BBS9: variants seen among roughly 807,000 people sequenced by gnomAD.
BBS9 encodes the protein Bardet-Biedl syndrome 9.
In BBS9, 89 loss-of-function variants were observed where a neutral mutation model predicts 117.7. The ratio of observed to expected loss-of-function variants is 0.76; its 90% CI spans 0.64 to 0.90. BBS9 has a LOEUF of 0.90. Ranked by LOEUF, BBS9 falls within the 40% of genes least tolerant of loss-of-function variation. The pLI is 0.00. For synonymous variants in BBS9, 379 were observed against 370.9 expected (o/e 1.02, Z -0.25); for missense variants, 982 against 1,042.2 (o/e 0.94, Z 0.80).
intron 17 of BBS9, among the ~76,000 whole-genome samples, chr7:33,378,978 G>A (rs547103568): frequency 4.3e-4 from 66 of 152,296 alleles, no homozygotes; most frequent in African/African-American, 1.4e-3. Context: ...AACTTATGGC[G>A]GATAGGCTTG....
At chr7:33,238,871 T>C (rs550893007) in intron 5 of BBS9, among the ~76,000 whole-genome samples, 1 of 152,300 alleles carries the variant, frequency 6.6e-6, no homozygotes, top group East Asian at 1.9e-4. Context: ...TAAATGGTCG[T>C]AAAGAATTCT....
chr7:33,527,251 C>G (rs567961066), intron 20 of BBS9, among the ~76,000 whole-genome samples: 5 of 152,208 alleles, frequency 3.3e-5, no homozygotes, highest in Non-Finnish European at 7.3e-5. Flanking sequence ...GCAGGCAGGC[C>G]TCCTTGAGTT....
chr7:33,359,390 A>T (rs1262674988), intron 16 of BBS9, among the ~76,000 whole-genome samples: 1 of 152,060 alleles, frequency 6.6e-6, no homozygotes, highest in Non-Finnish European at 1.5e-5. Flanking sequence ...TACGAATTGT[A>T]TAGTGTGTAC....
At chr7:33,158,882 A>C (rs961266789) in intron 4 of BBS9, among the ~76,000 whole-genome samples, 2 of 134,762 alleles carry the variant, frequency 1.5e-5, no homozygotes, top group Admixed American at 7.6e-5. Flanking sequence ...ACTCCAGCAC[A>C]GCCACATGGT....
chr7:33,609,365 A>G (rs1864750215), downstream of BBS9, among the ~76,000 whole-genome samples: 1 of 152,170 alleles, frequency 6.6e-6, no homozygotes, highest in Non-Finnish European at 1.5e-5. Flanking sequence ...TTCATTAGCT[A>G]GATTATTAGA....
intron 5 of BBS9, among the ~76,000 whole-genome samples, chr7:33,224,134 C>T (rs771288667): frequency 6.6e-6 from 1 of 152,074 alleles, no homozygotes; most frequent in East Asian, 1.9e-4. Context: ...TATAATACTA[C>T]TAATAACTAC....
intron 19 of BBS9, among the ~76,000 whole-genome samples, chr7:33,443,912 A>G (rs1310482978): frequency 2.0e-5 from 3 of 152,250 alleles, no homozygotes; most frequent in South Asian, 2.1e-4. Context: ...TGCTCACCAC[A>G]GTAGAATAGT....
Position 33,536,359 on chromosome 7 carries a change from CTTG to C in BBS9, c.2521+2188_2521+2190del, listed in dbSNP as rs567059417. ...GTTTTAAAAAATTGTTAAATCAGCA[CTTG>C]TTGTCATTAACATGCTTAATTATTG... On this transcript the variant is annotated intron_variant, in intron 21 of 22. Coordinates refer to ENST00000242067, the MANE Select transcript of BBS9 (RefSeq NM_198428.3). Among the ~76,000 whole-genome samples the C allele has an allele frequency of 1.7e-3, 253 of 152,270 alleles. 1 individual carries two copies. Among genetic ancestry groups the C allele is most frequent in the Non-Finnish European group, 2.9e-3 (194 of 68,002 alleles).
At chr7:33,504,706 A>T (rs952707460) in intron 19 of BBS9, among the ~76,000 whole-genome samples, 2 of 152,190 alleles carry the variant, frequency 1.3e-5, no homozygotes, top group African/African-American at 4.8e-5. Context: ...ACCAATGGGA[A>T]GTTTTGGATG....
At chr7:33,487,814 T>G (rs1451709873) in intron 19 of BBS9, among the ~76,000 whole-genome samples, 1 of 152,148 alleles carries the variant, frequency 6.6e-6, no homozygotes, top group East Asian at 1.9e-4. Flanking sequence ...AACTGAGAAA[T>G]GTAAGGTTGA....
intron 21 of BBS9, 74 bp from the exon 22 acceptor site, chr7:33,604,790 TA>T: frequency 2.0e-6 from 2 of 975,770 alleles, no homozygotes; most frequent in Non-Finnish European, 3.2e-6. Flanking sequence ...AGTGTGTTCC[TA>T]AGCTATGATT....
intron 19 of BBS9, among the ~76,000 whole-genome samples, chr7:33,475,205 C>T (rs1841633565): frequency 6.6e-6 from 1 of 152,160 alleles, no homozygotes; most frequent in South Asian, 2.1e-4. Flanking sequence ...GTAATAGCAA[C>T]AATAGACAAT....
At chr7:33,334,200 A>G (rs1584376257) in intron 9 of BBS9, among the ~76,000 whole-genome samples, 1 of 152,246 alleles carries the variant, frequency 6.6e-6, no homozygotes, top group African/African-American at 2.4e-5. Context: ...GCCATTTGCT[A>G]TCTAAATTGA....
chr7:33,323,919 C>A (rs886324872), intron 9 of BBS9, among the ~76,000 whole-genome samples: 8 of 146,538 alleles, frequency 5.5e-5, no homozygotes, highest in African/African-American at 2.0e-4. Context: ...CTCACTGCAA[C>A]CTCTGCCTCA....
intron 20 of BBS9, among the ~76,000 whole-genome samples, chr7:33,507,315 A>C (rs550938087): frequency 2.6e-5 from 4 of 152,226 alleles, no homozygotes; most frequent in African/African-American, 9.6e-5. Flanking sequence ...ATCTCAGCTC[A>C]CTGCAACCTC....
chr7:33,335,269 A>C (rs902657822), intron 9 of BBS9, among the ~76,000 whole-genome samples: 46 of 152,158 alleles, frequency 3.0e-4, no homozygotes, highest in African/African-American at 1.1e-3. Context: ...AGGTCTTGCT[A>C]TGTTGCCCAA....
chr7:33,354,895 T>G (rs1263140950), intron 15 of BBS9, among the ~76,000 whole-genome samples: 1 of 152,032 alleles, frequency 6.6e-6, no homozygotes, highest in African/African-American at 2.4e-5. Context: ...AAGGGAAATG[T>G]TTGAAGGAGA....
intron 21 of BBS9, among the ~76,000 whole-genome samples, chr7:33,597,961 A>G (rs1863143180): frequency 6.6e-6 from 1 of 151,840 alleles, no homozygotes; most frequent in African/African-American, 2.4e-5. Context: ...GGTTTACATG[A>G]TCTCATGGCA....
At chr7:33,336,054 C>T (rs1292741802) in intron 9 of BBS9, among the ~76,000 whole-genome samples, 1 of 152,148 alleles carries the variant, frequency 6.6e-6, no homozygotes, top group Non-Finnish European at 1.5e-5. Context: ...CAGCCCCGCT[C>T]CATCTCTTGG....
Sources: gnomAD v4.1 joint callset for allele counts (sites outside exome capture counted in the v4.1 genomes callset) on GRCh38, gnomAD v4.1.1 for gene constraint, MANE v1.5 for transcripts, NCBI Gene and HGNC (gene_info 2026-07-23, HGNC 2026-07-21) for gene names.